Variants in PTPN14 observed in about 807,000 individuals in gnomAD.
PTPN14 encodes the protein tyrosine-protein phosphatase non-receptor type 14.
Under a neutral mutation model 126.8 loss-of-function variants are expected in PTPN14, and 53 were observed. The ratio of observed to expected loss-of-function variants is 0.42; its 90% confidence interval spans 0.34 to 0.53. The LOEUF (loss-of-function observed/expected upper bound fraction) is 0.53, where lower values mean the gene tolerates loss of function less well. Ranked by LOEUF, PTPN14 falls within the 20% of genes least tolerant of loss-of-function variation. PTPN14 has a pLI of 0.08. For synonymous variants in PTPN14, 630 were observed against 599.3 expected, an observed-to-expected ratio of 1.05 and a Z score of -0.75; for missense variants, 1,257 against 1,552.9, an observed-to-expected ratio of 0.81 and a Z score of 3.20.
At chr1:214,404,662 T>C (rs1659120187) in intron 5 of PTPN14, among the ~76,000 whole-genome samples, 1 of 152,170 alleles carries the variant, frequency 6.6e-6, no homozygotes, top group South Asian at 2.1e-4. Flanking sequence ...GGGGCCTCCC[T>C]GAGGTATGTG....
Position 214,364,762 on chromosome 1 carries a change from G to GGT in PTPN14, c.3272-89_3272-88dup. ...GAGGGGGGAGCGGAAGAGAACTGAT[G>GGT]GTGAGTGTGTGTGTGTGTGTGTGTG... On this transcript the variant is annotated intron_variant, in intron 17 of 18. Coordinates refer to ENST00000366956, the MANE Select transcript of PTPN14 (RefSeq NM_005401.5). This position sits in a 1 kb window ranked among gnomAD's most constrained non-coding sequence, Gnocchi z 4.1. 2 of 714,536 alleles carry GGT rather than the reference G, an allele frequency of 2.8e-6. No individual in the cohort carries two copies. The highest frequency in any genetic ancestry group is 2.0e-6 in the Non-Finnish European group (1 of 494,636). 44.3% of individuals were successfully genotyped at this position (714,536 alleles called of 1,614,324 possible).
At chr1:214,385,651 A>T (rs1011992236) in intron 12 of PTPN14, among the ~76,000 whole-genome samples, 3 of 152,106 alleles carry the variant, frequency 2.0e-5, no homozygotes, top group Admixed American at 1.3e-4. Flanking sequence ...AAATATATTC[A>T]TTTTCACACT....
chr1:214,539,379 A>C (rs1448975178), intron 1 of PTPN14, among the ~76,000 whole-genome samples: 1 of 152,194 alleles, frequency 6.6e-6, no homozygotes, highest in Non-Finnish European at 1.5e-5. Flanking sequence ...ATTTCAAAGT[A>C]CTGAGCTCAG....
Position 214,364,786 on chromosome 1 carries a change from T to A in PTPN14, c.3272-111A>T. On this transcript the variant is annotated intron_variant, in intron 17 of 18. Coordinates refer to ENST00000366956, the MANE Select transcript of PTPN14 (RefSeq NM_005401.5). The surrounding 1 kb of genome is among the most constrained non-coding windows in gnomAD (Gnocchi z 4.1). ...TGGTGAGTGTGTGTGTGTGTGTGTG[T>A]GTGTGTGTGTGTGTGTGTGTTTTAA... 1.1e-6 allele frequency: 1 copy of A among 876,908 alleles called. No individual in the cohort carries two copies. Among genetic ancestry groups the A allele is most frequent in the Non-Finnish European group, 1.7e-6 (1 of 583,986 alleles). The allele number at this position is 876,908 out of a possible 1,614,324, so 54.3% of individuals were successfully genotyped here.
chr1:214,519,108 A>G (rs919707253), intron 1 of PTPN14, among the ~76,000 whole-genome samples: 2 of 152,084 alleles, frequency 1.3e-5, no homozygotes, highest in Non-Finnish European at 2.9e-5. Context: ...ACCTCCACTA[A>G]AAATACAAAA....
intron 1 of PTPN14, among the ~76,000 whole-genome samples, chr1:214,544,260 C>A (rs1479008269): frequency 6.6e-6 from 1 of 151,820 alleles, no homozygotes; most frequent in African/African-American, 2.4e-5. Flanking sequence ...GAGACTCCAT[C>A]TGTACAAAAA....
chr1:214,362,480 G>A (rs188172451), intron 18 of PTPN14, among the ~76,000 whole-genome samples: 2 of 152,322 alleles, frequency 1.3e-5, no homozygotes, highest in African/African-American at 4.8e-5. Context: ...TCCACAGGAG[G>A]CCACACTGGC....
rs186016627 is a variant in PTPN14, at chr1:214,469,872, T to C, written c.-154-4915A>G. 1.3e-4 allele frequency among the ~76,000 whole-genome samples: 20 copies of C among 152,202 alleles called. 1 individual carries two copies. The highest frequency in any genetic ancestry group is 1.3e-3 in the Admixed American group (20 of 15,284). ...TTAAGACTTCCTTTCAATTTTTCTG[T>C]GAACCTAAAAGTGCTCCCAAAAATC... On this transcript the variant is annotated intron_variant, in intron 1 of 18. Coordinates refer to ENST00000366956, the MANE Select transcript of PTPN14 (RefSeq NM_005401.5).
chr1:214,522,163 G>C (rs1434149380), intron 1 of PTPN14, among the ~76,000 whole-genome samples: 1 of 152,002 alleles, frequency 6.6e-6, no homozygotes, highest in Middle Eastern at 3.4e-3. Context: ...TTGAACTCCT[G>C]GCCTCAAGTG....
chr1:214,502,058 CA>C (rs60034306), intron 1 of PTPN14, among the ~76,000 whole-genome samples: 1,159 of 70,924 alleles, frequency 0.016, 4 homozygotes, highest in Middle Eastern at 0.029. Context: ...GGCTCTGTCT[CA>C]AAAAAAAAAA....
intron 2 of PTPN14, among the ~76,000 whole-genome samples, chr1:214,458,892 AGAAAAGGG>A (rs1056482267): frequency 1.3e-5 from 2 of 152,314 alleles, no homozygotes; most frequent in East Asian, 1.9e-4. Context: ...AAAGATTTGC[AGAAAAGGG>A]TTAAACCCAC....
chr1:214,505,203 G>C (rs1207129258), intron 1 of PTPN14, among the ~76,000 whole-genome samples: 3 of 151,332 alleles, frequency 2.0e-5, no homozygotes, highest in Non-Finnish European at 4.4e-5. Flanking sequence ...AAGTGTGACA[G>C]GAGGACATGG....
chr1:214,426,804 C>T (rs58512276), intron 3 of PTPN14, among the ~76,000 whole-genome samples: 3,344 of 152,186 alleles, frequency 0.022, 125 homozygotes, highest in African/African-American at 0.074. Flanking sequence ...AATTCAGGGG[C>T]GTGAAGCCCA....
chr1:214,425,062 G>A (rs527436322), intron 3 of PTPN14, among the ~76,000 whole-genome samples: 16 of 152,136 alleles, frequency 1.1e-4, no homozygotes, highest in Middle Eastern at 3.4e-3. Context: ...CTCCCAAAGC[G>A]CTGGGATTAC....
At position 214,393,810 on chromosome 1, in the gene PTPN14, C is replaced by A. The variant is rs766314964; in HGVS notation, c.847-33G>T. 1.1e-5 allele frequency: 16 copies of A among 1,490,056 alleles called. No individual in the cohort carries two copies. The South Asian group carries it at 1.7e-4, about 16-fold the overall frequency. 92.3% of individuals were successfully genotyped at this position (1,490,056 alleles called of 1,614,324 possible). Reference sequence around the variant, plus strand: ...AAGAAGAGACAGAGAAAAAAATAAACATTTGTTGAATTAGTTATACATTTC... The same window carrying A: ...AAGAAGAGACAGAGAAAAAAATAAAAATTTGTTGAATTAGTTATACATTTC... On this transcript the variant is annotated intron_variant, in intron 9 of 18. Coordinates refer to ENST00000366956, the MANE Select transcript of PTPN14 (RefSeq NM_005401.5).
chr1:214,529,202 AGAT>A, intron 1 of PTPN14: 1 of 152,284 alleles, frequency 6.6e-6, no homozygotes, highest in Non-Finnish European at 1.5e-5. Flanking sequence ...CTGTAGCCCC[AGAT>A]ACACAGGAAG....
rs1657723120 is a variant in PTPN14 at position 214,352,347 on chromosome 1, T to A, written c.*5575A>T. 1 of 152,226 alleles carries A rather than the reference T, an allele frequency of 6.6e-6. No homozygotes were observed. The allele number at this position is 152,226 out of a possible 1,614,324, so 9.4% of individuals were successfully genotyped here. A position where few individuals can be genotyped will look rare whatever the true frequency, so the allele number is the denominator to read the frequency against. Reference sequence around the variant, plus strand: ...AGGTAGTCTACTGAATAAAAATACTTACCTATCTGAGTTTCTAACAGAAAC... The same window carrying A: ...AGGTAGTCTACTGAATAAAAATACTAACCTATCTGAGTTTCTAACAGAAAC... On this transcript the variant is annotated 3_prime_UTR_variant, in exon 19 of 19. Transcript: ENST00000366956.
At chr1:214,512,236 C>T (rs1470320395) in intron 1 of PTPN14, among the ~76,000 whole-genome samples, 1 of 152,148 alleles carries the variant, frequency 6.6e-6, no homozygotes, top group African/African-American at 2.4e-5. Context: ...TTTACTCAAA[C>T]TTGCCAGTCT....
rs371934201 is a variant in PTPN14, at chr1:214,496,800, C to G, written c.-154-31843G>C. On this transcript the variant is annotated intron_variant, in intron 1 of 18. Transcript: ENST00000366956. Reference sequence around the variant, plus strand: ...CTAATTTGATCTATATTCCACAGAACTGCTTTGGTAAGTTATAAAAATCCT... The same window carrying G: ...CTAATTTGATCTATATTCCACAGAAGTGCTTTGGTAAGTTATAAAAATCCT... Among the ~76,000 whole-genome samples, 17 of 152,152 alleles carry G rather than the reference C, an allele frequency of 1.1e-4. No individual in the cohort carries two copies. In the East Asian group the frequency reaches 2.5e-3, roughly 22 times the overall value.
Sources: gnomAD v4.1 joint callset for allele counts (sites outside exome capture counted in the v4.1 genomes callset) on GRCh38, gnomAD v4.1.1 for gene constraint, Gnocchi (gnomAD v3.1) non-coding constraint, MANE v1.5 for transcripts, NCBI Gene and HGNC (gene_info 2026-07-23, HGNC 2026-07-21) for gene names.